Variants in CSNK1G1 observed in about 807,000 individuals in gnomAD.
CSNK1G1 encodes the protein casein kinase I isoform gamma-1.
CSNK1G1 carries 22 observed loss-of-function variants against 59.6 expected under a neutral mutation model. The ratio of observed to expected loss-of-function variants is 0.37; its 90% CI spans 0.26 to 0.53. The LOEUF is 0.53. CSNK1G1 is among the 20% of genes least tolerant of loss of function. The pLI is 0.89. For synonymous variants in CSNK1G1, 179 were observed against 177.1 expected (o/e 1.01, Z -0.08); for missense variants, 384 against 519.5 (o/e 0.74, Z 2.54).
chr15:64,338,292 T>G, intron 1 of CSNK1G1, among the ~76,000 whole-genome samples: 1 of 152,324 alleles, frequency 6.6e-6, no homozygotes, highest in East Asian at 1.9e-4. Flanking sequence ...TTAATAGCTA[T>G]CTTAATGGAT....
At chr15:64,256,522 T>C (rs776961434) in intron 3 of CSNK1G1, among the ~76,000 whole-genome samples, 48 of 152,158 alleles carry the variant, frequency 3.2e-4, no homozygotes, top group Non-Finnish European at 1.2e-4. Flanking sequence ...GCTCAGCCAA[T>C]TGGGCTTCAA....
chr15:64,326,687 G>C (rs1270141867), intron 1 of CSNK1G1, among the ~76,000 whole-genome samples: 1 of 151,862 alleles, frequency 6.6e-6, no homozygotes, highest in Non-Finnish European at 1.5e-5. Flanking sequence ...TGGCCGAATA[G>C]GAACAGCTCC....
intron 1 of CSNK1G1, among the ~76,000 whole-genome samples, chr15:64,325,057 A>G (rs1440591867): frequency 6.6e-6 from 1 of 152,236 alleles, no homozygotes; most frequent in Non-Finnish European, 1.5e-5. Context: ...CATCTGAATC[A>G]TGAGAACTTG....
At chr15:64,338,384 G>A (rs1324426857) in intron 1 of CSNK1G1, among the ~76,000 whole-genome samples, 2 of 152,038 alleles carry the variant, frequency 1.3e-5, no homozygotes, top group Non-Finnish European at 2.9e-5. Flanking sequence ...CATAGGCATG[G>A]GACATCTAAC....
intron 5 of CSNK1G1, among the ~76,000 whole-genome samples, chr15:64,215,205 T>A: frequency 9.2e-5 from 2 of 21,848 alleles, no homozygotes; most frequent in South Asian, 0.014. Flanking sequence ...TTCTACTAAC[T>A]TTTTTTTTTT....
chr15:64,347,822 A>G (rs1447235842), intron 1 of CSNK1G1, among the ~76,000 whole-genome samples: 2 of 151,898 alleles, frequency 1.3e-5, no homozygotes, highest in African/African-American at 4.8e-5. Flanking sequence ...CTTGGCCAAC[A>G]TGGTGAAACC....
intron 1 of CSNK1G1, among the ~76,000 whole-genome samples, chr15:64,300,934 C>T (rs954819879): frequency 6.6e-6 from 1 of 152,122 alleles, no homozygotes; most frequent in Non-Finnish European, 1.5e-5. Flanking sequence ...ACCATAGAAG[C>T]TACAGAAACA....
At chr15:64,326,667 G>C (rs563826893) in intron 1 of CSNK1G1, among the ~76,000 whole-genome samples, 1 of 151,826 alleles carries the variant, frequency 6.6e-6, no homozygotes, top group African/African-American at 2.4e-5. Flanking sequence ...GTAGGGGGGA[G>C]GAGCCAAGAT....
intron 4 of CSNK1G1, among the ~76,000 whole-genome samples, chr15:64,225,064 A>G (rs1436949713): frequency 6.9e-6 from 1 of 144,562 alleles, no homozygotes; most frequent in Non-Finnish European, 1.5e-5. Context: ...GCTGGAGTAC[A>G]GTGGTGCAAT....
At chr15:64,246,681 T>G (rs1418076282) in intron 4 of CSNK1G1, among the ~76,000 whole-genome samples, 1 of 150,370 alleles carries the variant, frequency 6.7e-6, no homozygotes, top group Admixed American at 6.6e-5. Context: ...ATTTGAGGAT[T>G]AGCTTCTCCT....
At chr15:64,241,962 G>A (rs1255487569) in intron 4 of CSNK1G1, among the ~76,000 whole-genome samples, 1 of 151,356 alleles carries the variant, frequency 6.6e-6, no homozygotes, top group Non-Finnish European at 1.5e-5. Flanking sequence ...CCATTAGCTA[G>A]ACTAACCAAG....
intron 10 of CSNK1G1, among the ~76,000 whole-genome samples, chr15:64,196,545 G>A (rs750864474): frequency 1.3e-5 from 2 of 151,426 alleles, no homozygotes; most frequent in African/African-American, 2.4e-5. Flanking sequence ...TCTGCCTCCC[G>A]GGTTCAAGTG....
At chr15:64,192,030 C>T (rs1303214439) in intron 10 of CSNK1G1, among the ~76,000 whole-genome samples, 1 of 152,176 alleles carries the variant, frequency 6.6e-6, no homozygotes, top group African/African-American at 2.4e-5. Context: ...CAGCAGTCTG[C>T]TAGTGTAACT....
chr15:64,182,819 C>G (rs1203197810), intron 10 of CSNK1G1, among the ~76,000 whole-genome samples: 1 of 152,162 alleles, frequency 6.6e-6, no homozygotes, highest in Non-Finnish European at 1.5e-5. Context: ...CCCGATTTCT[C>G]TGTAGAGTTG....
At chr15:64,205,059 G>C in intron 7 of CSNK1G1, 110 bp from the exon 8 acceptor site, 1 of 599,360 alleles carries the variant, frequency 1.7e-6, no homozygotes. Context: ...GTATTTGTTG[G>C]TCTTGATTTT....
At chr15:64,273,016 T>A (rs1275200990) in intron 2 of CSNK1G1, among the ~76,000 whole-genome samples, 2 of 152,216 alleles carry the variant, frequency 1.3e-5, no homozygotes, top group East Asian at 3.8e-4. Flanking sequence ...AACTCTTGTT[T>A]TTATCAATTA....
intron 4 of CSNK1G1, among the ~76,000 whole-genome samples, chr15:64,238,611 C>T (rs1010450741): frequency 4.8e-5 from 7 of 145,820 alleles, no homozygotes; most frequent in African/African-American, 1.8e-4. Context: ...TACTGAAGTT[C>T]CTGTGCTCAA....
chr15:64,223,945 T>C (rs1021217996), intron 4 of CSNK1G1, among the ~76,000 whole-genome samples: 3 of 152,200 alleles, frequency 2.0e-5, no homozygotes, highest in African/African-American at 4.8e-5. Flanking sequence ...CAAGCTGTTA[T>C]CTAAAAACAA....
intron 1 of CSNK1G1, among the ~76,000 whole-genome samples, chr15:64,325,643 C>T (rs1317193569): frequency 6.6e-6 from 1 of 152,136 alleles, no homozygotes; most frequent in Non-Finnish European, 1.5e-5. Flanking sequence ...AACTTTAGGC[C>T]TTAAATCACA....
Sources: allele counts gnomAD v4.1 joint callset (sites outside exome capture counted in the v4.1 genomes callset), GRCh38; gene constraint gnomAD v4.1.1; transcripts MANE v1.5; gene names NCBI Gene and HGNC (gene_info 2026-07-23, HGNC 2026-07-21).